Variants in TRIM61 observed in about 807,000 individuals in gnomAD.
TRIM61 encodes tripartite motif containing 61.
In TRIM61, 1 loss-of-function variant was observed where a neutral mutation model predicts 14.2. The observed-to-expected ratio is 0.07, with a 90% confidence interval of 0.03 to 0.33. TRIM61 has a LOEUF of 0.33. Ranked by LOEUF, TRIM61 falls within the 10% of genes least tolerant of loss-of-function variation. The pLI is 0.99. For synonymous variants in TRIM61, 8 were observed against 71.6 expected (o/e 0.11, Z 4.49); for missense variants, 19 against 202.2 (o/e 0.09, Z 5.49).
chr4:164,977,259 C>T (rs1005622278), intron 1 of TRIM61, among the ~76,000 whole-genome samples: 4 of 152,168 alleles, frequency 2.6e-5, no homozygotes, highest in African/African-American at 9.7e-5. Context: ...CTCCCAAACA[C>T]GTACATTAAC....
intron 3 of TRIM61, among the ~76,000 whole-genome samples, chr4:164,962,761 GAAAT>G (rs749994384): frequency 7.5e-4 from 110 of 145,802 alleles, no homozygotes; most frequent in African/African-American, 2.6e-3. Context: ...TTTACACAAA[GAAAT>G]AAAGTGCATA....
chr4:164,966,044 C>CCACTGGCTGAGTT (rs1410811067), intron 3 of TRIM61, among the ~76,000 whole-genome samples: 6 of 152,192 alleles, frequency 3.9e-5, no homozygotes, highest in African/African-American at 1.2e-4. Context: ...GATACCTGAG[C>CCACTGGCTGAGTT]CACTGGCTTA....
At chr4:164,966,760 A>G (rs1732251205) in intron 3 of TRIM61, among the ~76,000 whole-genome samples, 1 of 152,048 alleles carries the variant, frequency 6.6e-6, no homozygotes, top group South Asian at 2.1e-4. Flanking sequence ...TAAAAATACA[A>G]AAATTAGCTG....
At chr4:164,956,939 C>A (rs976190770) in intron 3 of TRIM61, 5 of 1,328,844 alleles carry the variant, frequency 3.8e-6, no homozygotes, top group Non-Finnish European at 5.0e-6. Flanking sequence ...CGGCCGGCAC[C>A]GTCTCTGGGC....
chr4:164,966,605 C>T (rs1284782915), intron 3 of TRIM61, among the ~76,000 whole-genome samples: 1 of 152,060 alleles, frequency 6.6e-6, no homozygotes, highest in Non-Finnish European at 1.5e-5. Flanking sequence ...AACATTAAAC[C>T]TAGATTTTTA....
chr4:164,955,320 T>TACC (rs2111126342), intron 3 of TRIM61, among the ~76,000 whole-genome samples: 1 of 152,218 alleles, frequency 6.6e-6, no homozygotes, highest in Non-Finnish European at 1.5e-5. Flanking sequence ...TCAGCATATC[T>TACC]ACCATTAAAC....
chr4:164,955,395 A>G (rs1731960839), intron 3 of TRIM61, among the ~76,000 whole-genome samples: 1 of 151,884 alleles, frequency 6.6e-6, no homozygotes, highest in African/African-American at 2.4e-5. Flanking sequence ...GCCACACCAA[A>G]TCCTATGTTT....
chr4:164,969,044 C>A (rs556315462), intron 3 of TRIM61: 82 of 1,031,620 alleles, frequency 7.9e-5, no homozygotes, highest in Non-Finnish European at 8.9e-5. Context: ...TGTTGTATTT[C>A]CATAGCGCAC....
chr4:164,969,989 G>A lies in TRIM61; in HGVS notation c.14C>T (p.Thr5Met), dbSNP rs145096921. 1.2e-3 allele frequency: 1,907 copies of A among 1,613,700 alleles called. 4 individuals carry two copies. Among genetic ancestry groups the A allele is most frequent in the South Asian group, 1.9e-3 (169 of 91,050 alleles). ...CTCTGCTCGGAGGTCAGCCAGGGCC[G>A]TAACAAATTCCATTGAGACTTGAAC... Residue 5 changes from threonine to methionine, a missense_variant, in exon 3 of 5, where the codon ACG becomes ATG. This residue lies in a region of TRIM61 where 17 missense variants were observed against 105.5 expected (regional missense o/e 0.16). Transcript: ENST00000329314.
intron 3 of TRIM61, among the ~76,000 whole-genome samples, chr4:164,961,153 CAA>C (rs762554625): frequency 1.3e-4 from 4 of 31,712 alleles, no homozygotes; most frequent in Non-Finnish European, 2.0e-4. Flanking sequence ...AACTCTCAGG[CAA>C]AAAAAAAAAA....
At chr4:164,957,544 A>C in intron 3 of TRIM61, 1 of 1,539,992 alleles carries the variant, frequency 6.5e-7, no homozygotes, top group South Asian at 1.3e-5. Flanking sequence ...CTGACATCTG[A>C]AACAGCAAGT....
chr4:164,972,117 A>G (rs1052641839), intron 2 of TRIM61, among the ~76,000 whole-genome samples: 1 of 152,248 alleles, frequency 6.6e-6, no homozygotes, highest in African/African-American at 2.4e-5. Flanking sequence ...AGCAAAAGCT[A>G]TCACAGCAAC....
At chr4:164,957,361 C>G (rs370586166) in intron 3 of TRIM61, 12 of 1,614,016 alleles carry the variant, frequency 7.4e-6, no homozygotes, top group Non-Finnish European at 1.0e-5. Context: ...AATTGCCAGG[C>G]CACTCCAAGT....
chr4:164,962,736 T>A (rs926001618), intron 3 of TRIM61, among the ~76,000 whole-genome samples: 3 of 145,102 alleles, frequency 2.1e-5, no homozygotes, highest in African/African-American at 7.9e-5. Context: ...ATATTATATA[T>A]GTCAGAAACT....
At position 164,968,331 on chromosome 4, in the gene TRIM61, T is replaced by C. The variant is rs190278117; in HGVS notation, c.525+1147A>G. The C allele has an allele frequency of 4.4e-3, 4,232 of 965,368 alleles. 15 individuals are homozygous for C. Among genetic ancestry groups the C allele is most frequent in the Non-Finnish European group, 5.0e-3 (4,055 of 811,882 alleles). 59.8% of individuals were successfully genotyped at this position (965,368 alleles called of 1,614,324 possible). A position where few individuals can be genotyped will look rare whatever the true frequency, so the allele number is the denominator to read the frequency against. On this transcript the variant is annotated intron_variant, in intron 3 of 4. Coordinates refer to ENST00000329314, the MANE Select transcript of TRIM61 (RefSeq NM_001012414.3). Reference sequence around the variant, plus strand: ...ATTGGCAATTACAAAAGTAATAGATTTTCTTACATAATACATTTCTTCAGT... The same window carrying C: ...ATTGGCAATTACAAAAGTAATAGATCTTCTTACATAATACATTTCTTCAGT...
rs759247415 is a variant in TRIM61, at chr4:164,957,297, C to A, written c.526-2201G>T. The A allele has an allele frequency of 6.8e-6, 11 of 1,614,072 alleles. No homozygotes were observed. The African/African-American group carries it at 1.1e-4, about 16-fold the overall frequency. Reference sequence around the variant, plus strand: ...TTCTCCGCGTGCCCTGTCAGCCGCTCATGGTGCCCAGAGAGGAATTTTAGT... The same window carrying A: ...TTCTCCGCGTGCCCTGTCAGCCGCTAATGGTGCCCAGAGAGGAATTTTAGT... On this transcript the variant is annotated intron_variant, in intron 3 of 4. Coordinates refer to ENST00000329314, the MANE Select transcript of TRIM61 (RefSeq NM_001012414.3).
intron 3 of TRIM61, chr4:164,957,485 C>T (rs1732037787): frequency 1.2e-6 from 2 of 1,612,764 alleles, no homozygotes; most frequent in African/African-American, 2.7e-5. Context: ...GCTGGGCTCA[C>T]CTGTCCTATA....
At chr4:164,968,880 T>G (rs911908115) in intron 3 of TRIM61, 8 of 988,810 alleles carry the variant, frequency 8.1e-6, no homozygotes, top group Non-Finnish European at 9.6e-6. Context: ...TGACTCTTCC[T>G]CCTTCTGGGA....
At chr4:164,965,152 G>A (rs1732209006) in intron 3 of TRIM61, among the ~76,000 whole-genome samples, 1 of 152,056 alleles carries the variant, frequency 6.6e-6, no homozygotes, top group African/African-American at 2.4e-5. Flanking sequence ...ACCGGGCACG[G>A]TGACGCGAGT....
Sources: gnomAD v4.1 joint callset for allele counts (sites outside exome capture counted in the v4.1 genomes callset) on GRCh38, gnomAD v4.1.1 for gene constraint, gnomAD v4.1.1 regional missense constraint, MANE v1.5 for transcripts, NCBI Gene and HGNC (gene_info 2026-07-23, HGNC 2026-07-21) for gene names.